Variants in CCDC7 observed in about 807,000 individuals in gnomAD.
The protein encoded by CCDC7 is coiled-coil domain containing 7.
CCDC7 carries 183 observed loss-of-function variants against 196.9 expected under a neutral mutation model. That is an observed-to-expected ratio of 0.93 (90% confidence interval 0.82 to 1.05). CCDC7 has a LOEUF of 1.05. Among genes scored for constraint, CCDC7 ranks in the 50% least tolerant of loss-of-function variants. The probability of loss-of-function intolerance (pLI) is 0.00; values close to 1 mark genes in which losing one functional copy is unlikely to be tolerated. For synonymous variants in CCDC7, 525 were observed against 484.6 expected, an observed-to-expected ratio of 1.08 and a Z score of -1.10; for missense variants, 1,540 against 1,482.2, an observed-to-expected ratio of 1.04 and a Z score of -0.64.
At chr10:32,531,253 G>T (rs142283474) in intron 11 of CCDC7, among the ~76,000 whole-genome samples, 5 of 152,154 alleles carry the variant, frequency 3.3e-5, no homozygotes, top group African/African-American at 1.2e-4. Context: ...TTCCCTAGTA[G>T]CTGGAACCAC....
chr10:32,827,959 A>T (rs1167374897), intron 32 of CCDC7, among the ~76,000 whole-genome samples: 1 of 152,136 alleles, frequency 6.6e-6, no homozygotes, highest in African/African-American at 2.4e-5. Context: ...CCATCTTTTA[A>T]GTCCTGAAAA....
chr10:32,506,258 G>A (rs540182888), intron 9 of CCDC7, among the ~76,000 whole-genome samples: 47 of 151,114 alleles, frequency 3.1e-4, no homozygotes, highest in Non-Finnish European at 6.6e-4. Flanking sequence ...TCCCAGACGG[G>A]GCGGCCGGGC....
intron 21 of CCDC7, among the ~76,000 whole-genome samples, chr10:32,673,161 G>A (rs2074346021): frequency 6.6e-6 from 1 of 151,992 alleles, no homozygotes; most frequent in African/African-American, 2.4e-5. Flanking sequence ...TGTCTTTTAT[G>A]GCAGTACATA....
intron 28 of CCDC7, among the ~76,000 whole-genome samples, chr10:32,747,392 T>C (rs2074955879): frequency 6.6e-6 from 1 of 152,168 alleles, no homozygotes; most frequent in African/African-American, 2.4e-5. Flanking sequence ...AAGGAGCTTC[T>C]GCACAAGAAA....
intron 20 of CCDC7, among the ~76,000 whole-genome samples, chr10:32,646,914 C>T (rs1017511428): frequency 2.6e-5 from 4 of 152,196 alleles, no homozygotes; most frequent in Non-Finnish European, 5.9e-5. Context: ...GACACGATCT[C>T]ATTCTTTCTA....
chr10:32,517,062 G>A (rs2047137293), intron 9 of CCDC7, among the ~76,000 whole-genome samples: 1 of 152,126 alleles, frequency 6.6e-6, no homozygotes. Context: ...AACTGTGTCA[G>A]CAAACTGTGG....
intron 27 of CCDC7, 55 bp from the exon 29 acceptor site, chr10:32,729,277 A>G (rs1371601479): frequency 2.1e-6 from 3 of 1,462,442 alleles, no homozygotes; most frequent in Non-Finnish European, 2.8e-6. Context: ...TGAAATTCTG[A>G]TGATTACTTG....
At chr10:32,797,798 G>A (rs1473658770) in intron 29 of CCDC7, among the ~76,000 whole-genome samples, 3 of 152,126 alleles carry the variant, frequency 2.0e-5, no homozygotes, top group Non-Finnish European at 1.5e-5. Context: ...ATGGGGGAAC[G>A]AGTACCACAA....
intron 8 of CCDC7, among the ~76,000 whole-genome samples, chr10:32,475,325 A>G (rs1474969760): frequency 6.6e-6 from 1 of 152,180 alleles, no homozygotes; most frequent in Non-Finnish European, 1.5e-5. Context: ...TTATTTCCAT[A>G]TGTACTGCAT....
rs11009063 is a variant in CCDC7 at position 32,750,516 on chromosome 10, T to A, written c.2905+21059T>A. Among the ~76,000 whole-genome samples the A allele has an allele frequency of 9.2e-5, 14 of 152,138 alleles. No individual in the cohort carries two copies. The East Asian group carries it at 1.2e-3, about 13-fold the overall frequency. On this transcript the variant is annotated intron_variant, in intron 28 of 41. Transcript: ENST00000639629. ...ATGGAGAGAGTAGTGTAATAAGAGG[T>A]AAGAGGTCTGGGAAAGGTACATGCC...
At chr10:32,667,318 C>T (rs998119874) in intron 21 of CCDC7, among the ~76,000 whole-genome samples, 22 of 152,106 alleles carry the variant, frequency 1.4e-4, no homozygotes, top group African/African-American at 4.8e-4. Context: ...ATTCTGTAGG[C>T]TGCCTGTTCA....
intron 21 of CCDC7, among the ~76,000 whole-genome samples, chr10:32,679,951 A>G (rs2075618521): frequency 6.6e-6 from 1 of 152,214 alleles, no homozygotes; most frequent in Admixed American, 6.5e-5. Flanking sequence ...GTAAGTTTTC[A>G]CACTCTAGAC....
chr10:32,489,573 C>T (rs182346559), intron 8 of CCDC7, among the ~76,000 whole-genome samples: 47 of 152,236 alleles, frequency 3.1e-4, no homozygotes, highest in African/African-American at 1.1e-3. Context: ...CATGGTGCAG[C>T]CTTAGAGATG....
intron 13 of CCDC7, among the ~76,000 whole-genome samples, chr10:32,548,710 A>G (rs944655554): frequency 5.3e-5 from 8 of 152,308 alleles, no homozygotes; most frequent in Non-Finnish European, 7.3e-5. Flanking sequence ...ATAGTCTCCA[A>G]TCTCATCCAG....
At chr10:32,641,868 A>C (rs56395628) in intron 20 of CCDC7, among the ~76,000 whole-genome samples, 16,001 of 152,212 alleles carry the variant, frequency 0.11, 1,044 homozygotes, top group South Asian at 0.25. Flanking sequence ...TTTCCTTCTA[A>C]CAGTCAGGAC....
At chr10:32,845,554 A>T in exon 35 of CCDC7, 1 of 1,610,642 alleles carries the variant, frequency 6.2e-7, no homozygotes, top group South Asian at 1.1e-5. Context: ...GACTGATAAG[A>T]ACTTCTTTGC....
chr10:32,784,273 A>G (rs2081472742), intron 29 of CCDC7, among the ~76,000 whole-genome samples: 1 of 147,966 alleles, frequency 6.8e-6, no homozygotes, highest in African/African-American at 2.6e-5. Flanking sequence ...CAGATTTGTT[A>G]CATAGGTAAA....
intron 9 of CCDC7, among the ~76,000 whole-genome samples, chr10:32,498,308 A>C (rs1259985754): frequency 6.6e-6 from 1 of 152,000 alleles, no homozygotes; most frequent in Admixed American, 6.6e-5. Context: ...GGTCTCCTGC[A>C]CACCAGTGGG....
At chr10:32,864,121 C>T (rs1352756417) in intron 41 of CCDC7, among the ~76,000 whole-genome samples, 1 of 151,698 alleles carries the variant, frequency 6.6e-6, no homozygotes, top group Non-Finnish European at 1.5e-5. Flanking sequence ...TCTAAACAGA[C>T]GTTTCTCTGA....
Sources: allele counts gnomAD v4.1 joint callset (sites outside exome capture counted in the v4.1 genomes callset), GRCh38; gene constraint gnomAD v4.1.1; transcripts MANE v1.5; gene names NCBI Gene and HGNC (gene_info 2026-07-23, HGNC 2026-07-21).